CBY1: variants seen among roughly 807,000 people sequenced by gnomAD.
CBY1 encodes chibby 1, beta catenin antagonist.
Under a neutral mutation model 15.6 loss-of-function variants are expected in CBY1, and 10 were observed. That is an observed-to-expected ratio of 0.64 (90% CI 0.40 to 1.09). CBY1 has a LOEUF of 1.09. CBY1 is among the 50% of genes least tolerant of loss of function. The pLI is 0.01. For synonymous variants in CBY1, 61 were observed against 63.5 expected (o/e 0.96, Z 0.19); for missense variants, 150 against 160.5 (o/e 0.93, Z 0.35).
chr22:38,665,149 G>C (rs1263729344), intron 1 of CBY1, among the ~76,000 whole-genome samples: 6 of 152,158 alleles, frequency 3.9e-5, no homozygotes, highest in Non-Finnish European at 8.8e-5. Context: ...TGGCCTAGCA[G>C]CACTATTTTT....
At chr22:38,671,469 C>A in intron 4 of CBY1, 1 of 401,304 alleles carries the variant, frequency 2.5e-6, no homozygotes, top group Non-Finnish European at 4.6e-6. Flanking sequence ...GGGAGAGCTT[C>A]CCAGAGGAAG....
chr22:38,662,504 GGC>G (rs1051858116), intron 1 of CBY1, among the ~76,000 whole-genome samples: 3 of 150,514 alleles, frequency 2.0e-5, no homozygotes, highest in Non-Finnish European at 4.4e-5. Context: ...TTTTTTGGGG[GGC>G]GGGGGACAGG....
At chr22:38,672,305 TTTTTTA>T (rs967354575) in intron 4 of CBY1, among the ~76,000 whole-genome samples, 3 of 151,836 alleles carry the variant, frequency 2.0e-5, no homozygotes, top group African/African-American at 2.4e-5. Flanking sequence ...GGCTGGATGT[TTTTTTA>T]TTTTTATTTT....
rs199883977 is a variant in CBY1, at chr22:38,668,083, C to T, written c.29C>T (p.Pro10Leu). The T allele has an allele frequency of 7.9e-5, 128 of 1,613,832 alleles. No homozygotes were observed. The highest frequency in any genetic ancestry group is 5.1e-4 in the East Asian group (23 of 44,880). Reference protein sequence around the residue: MPFFGNTFSPKKTPPRKSAS... With the variant: MPFFGNTFSLKKTPPRKSAS... ...CCTTTCTTTGGGAATACGTTCAGTC[C>T]GAAGAAGACACCTCCTCGGAAGTCG... The change falls in exon 2 of 5, where the codon CCG (proline) becomes CTG (leucine). Residue 10 changes from proline to leucine, a missense_variant. Physicochemically the swap from Pro to Leu is moderately conservative, Grantham distance 98. Transcript: ENST00000216029.
chr22:38,658,448 T>C (rs1024059724), intron 1 of CBY1, among the ~76,000 whole-genome samples: 1 of 147,528 alleles, frequency 6.8e-6, no homozygotes, highest in East Asian at 2.0e-4. Context: ...AATACACACA[T>C]ATATTACTTT....
At position 38,664,197 on chromosome 22, in the gene CBY1, C is replaced by A. The variant is rs915205594; in HGVS notation, c.-38-3820C>A. 2.4e-4 allele frequency among the ~76,000 whole-genome samples: 36 copies of A among 151,774 alleles called. 1 individual carries two copies. Among genetic ancestry groups the A allele is most frequent in the African/African-American group, 8.7e-4 (36 of 41,298 alleles). On this transcript the variant is annotated intron_variant, in intron 1 of 4. Transcript: ENST00000216029. ...TAAAAAATGGCAAAAGAGGGCTGGG[C>A]GCGGTGGCTCATGCCTATAATCCTA...
At chr22:38,662,050 C>T (rs746705014) in intron 1 of CBY1, among the ~76,000 whole-genome samples, 1 of 152,060 alleles carries the variant, frequency 6.6e-6, no homozygotes, top group African/African-American at 2.4e-5. Context: ...GCCTGTAATC[C>T]CAGCACTTTG....
chr22:38,668,335 C>T (rs184146775), intron 2 of CBY1: 9 of 516,054 alleles, frequency 1.7e-5, no homozygotes, highest in Non-Finnish European at 2.8e-5. Context: ...CCTAAGAAGA[C>T]AATCTCATTA....
chr22:38,672,627 T>C (rs973353172), intron 4 of CBY1, among the ~76,000 whole-genome samples: 3 of 152,126 alleles, frequency 2.0e-5, no homozygotes, highest in Non-Finnish European at 4.4e-5. Context: ...GGATGTTTTT[T>C]TTTAAAAATG....
At chr22:38,662,578 G>A (rs1469521729) in intron 1 of CBY1, among the ~76,000 whole-genome samples, 2 of 151,954 alleles carry the variant, frequency 1.3e-5, no homozygotes, top group South Asian at 2.1e-4. Context: ...GCAACCTCTG[G>A]CTCCTGGGCG....
rs890634653 is a variant in CBY1 at position 38,656,669 on chromosome 22, GT to G, written c.-119del. 7 of 152,472 alleles carry G rather than the reference GT, an allele frequency of 4.6e-5. No homozygotes were observed. The highest frequency in any genetic ancestry group is 1.7e-4 in the African/African-American group (7 of 41,456). 9.4% of individuals were successfully genotyped at this position (152,472 alleles called of 1,614,324 possible). The stretch of plus-strand genomic sequence containing the variant: ...GTGGCGGGCAGGCGGCAGGAGGCGG[GT>G]GGGTCAAGGTAACTCTGGGCTACAG... On this transcript the variant is annotated 5_prime_UTR_variant, in exon 1 of 5. The change abolishes the stop of an existing upstream ORF in the 5' untranslated region. Coordinates refer to ENST00000216029, the MANE Select transcript of CBY1 (RefSeq NM_015373.4).
At chr22:38,671,294 T>C in intron 4 of CBY1, 106 bp downstream of exon 4, 2 of 857,292 alleles carry the variant, frequency 2.3e-6, no homozygotes, top group South Asian at 2.9e-5. Context: ...TTTGGCCAGG[T>C]ACGTTGCTTT....
intron 4 of CBY1, among the ~76,000 whole-genome samples, chr22:38,672,674 A>G (rs926167488): frequency 1.3e-5 from 2 of 152,072 alleles, no homozygotes; most frequent in African/African-American, 4.8e-5. Context: ...GTGAGTTAGT[A>G]CAAGAAAAGC....
chr22:38,660,885 A>G (rs746651684), intron 1 of CBY1, among the ~76,000 whole-genome samples: 6 of 151,724 alleles, frequency 4.0e-5, no homozygotes, highest in Non-Finnish European at 7.4e-5. Flanking sequence ...GGATATTCCT[A>G]TTTTATTTTT....
chr22:38,669,035 G>A (rs375050244), intron 2 of CBY1, among the ~76,000 whole-genome samples: 6 of 152,166 alleles, frequency 3.9e-5, no homozygotes, highest in East Asian at 3.8e-4. Context: ...CCCACACAGC[G>A]TAAGAGCAGC....
intron 2 of CBY1, chr22:38,668,753 A>G: frequency 6.5e-6 from 1 of 152,882 alleles, no homozygotes; most frequent in Non-Finnish European, 1.5e-5. Flanking sequence ...GTCTTCACAG[A>G]AGGCGAGTGG....
chr22:38,668,261 T>A, intron 2 of CBY1, 129 bp downstream of exon 2: 1 of 593,192 alleles, frequency 1.7e-6, no homozygotes, highest in South Asian at 2.2e-5. Context: ...ATATCATTGC[T>A]ATTGCGGAAA....
chr22:38,657,119 C>A, intron 1 of CBY1: 1 of 984,100 alleles, frequency 1.0e-6, no homozygotes, highest in Non-Finnish European at 1.2e-6. Flanking sequence ...ACCAGAGATT[C>A]CGCCCTTGTT....
intron 1 of CBY1, among the ~76,000 whole-genome samples, chr22:38,661,881 G>A (rs1252558791): frequency 1.3e-5 from 2 of 152,208 alleles, no homozygotes; most frequent in Non-Finnish European, 2.9e-5. Context: ...AAGACCTTAC[G>A]CCCAGGAGGA....
Sources: gnomAD v4.1 joint callset for allele counts (sites outside exome capture counted in the v4.1 genomes callset) on GRCh38, gnomAD v4.1.1 for gene constraint, MANE v1.5 for transcripts, NCBI Gene and HGNC (gene_info 2026-07-23, HGNC 2026-07-21) for gene names.